EML1: variants seen among roughly 807,000 people sequenced by gnomAD.
EML1 encodes echinoderm microtubule-associated protein-like 1.
EML1 carries 27 observed loss-of-function variants against 110.4 expected under a neutral mutation model. That is an observed-to-expected ratio of 0.24 (90% CI 0.18 to 0.34). EML1 has a LOEUF of 0.34. EML1 is among the 10% of genes least tolerant of loss of function. EML1 has a pLI of 1.00. For missense variants in EML1, 741 were observed against 1,030.9 expected (o/e 0.72, Z 3.85); for synonymous variants, 344 against 385.8 (o/e 0.89, Z 1.27).
At chr14:99,809,677 G>T (rs756773152) in intron 1 of EML1, 2 of 456,106 alleles carry the variant, frequency 4.4e-6, no homozygotes, top group South Asian at 3.1e-5. Context: ...AAACCCAGAT[G>T]TTTTTTGGTA....
chr14:99,921,086 A>G (rs2060123189), intron 17 of EML1, among the ~76,000 whole-genome samples: 1 of 151,652 alleles, frequency 6.6e-6, no homozygotes, highest in African/African-American at 2.4e-5. Flanking sequence ...CCCCCCTCCA[A>G]CAGGCCCCAG....
intron 1 of EML1, among the ~76,000 whole-genome samples, chr14:99,785,475 G>A (rs986778123): frequency 2.6e-5 from 4 of 152,238 alleles, no homozygotes; most frequent in Non-Finnish European, 5.9e-5. Context: ...TTCAGTTACT[G>A]TGAATACATT....
chr14:99,825,330 G>T (rs946227336), intron 1 of EML1, among the ~76,000 whole-genome samples: 7 of 152,162 alleles, frequency 4.6e-5, no homozygotes, highest in African/African-American at 1.7e-4. Context: ...CACTTAGATT[G>T]ATTCCATGAC....
chr14:99,790,635 G>A (rs1472778363), upstream of EML1, among the ~76,000 whole-genome samples: 1 of 152,166 alleles, frequency 6.6e-6, no homozygotes, highest in Non-Finnish European at 1.5e-5. Context: ...AATAGAGAGA[G>A]CATGAACACT....
intron 1 of EML1, 55 bp from the exon 2 acceptor site, chr14:99,850,798 T>C (rs1595378464): frequency 6.3e-7 from 1 of 1,578,676 alleles, no homozygotes; most frequent in East Asian, 2.3e-5. Context: ...AGTATGTTTA[T>C]AGATCTGATT....
At chr14:99,938,535 C>A (rs1053075974) in intron 20 of EML1, among the ~76,000 whole-genome samples, 1 of 152,144 alleles carries the variant, frequency 6.6e-6, no homozygotes, top group African/African-American at 2.4e-5. Flanking sequence ...AGGGTTTCCC[C>A]GACAATGGTC....
At position 99,878,480 on chromosome 14, in the gene EML1, C is replaced by T. The variant is rs1320093321; in HGVS notation, c.384-5C>T. On this transcript the variant is annotated splice_polypyrimidine_tract_variant and splice_region_variant and intron_variant, in intron 3 of 21. Coordinates refer to ENST00000262233, the MANE Select transcript of EML1 (RefSeq NM_004434.3). ...AGTTCACTGTCACTTCCATTCCACC[C>T]TTAGTAACATCAAGAGGACCAGCTC... 3.1e-6 allele frequency: 5 copies of T among 1,608,940 alleles called. No homozygotes were observed. The Admixed American group carries it at 5.1e-5, about 16-fold the overall frequency.
intron 1 of EML1, among the ~76,000 whole-genome samples, chr14:99,743,334 C>A (rs1275773845): frequency 6.6e-6 from 1 of 152,146 alleles, no homozygotes; most frequent in Non-Finnish European, 1.5e-5. Context: ...AGTTCTGCAG[C>A]CCCTGGGGAC....
intron 17 of EML1, among the ~76,000 whole-genome samples, chr14:99,925,976 C>G (rs2060225999): frequency 1.3e-5 from 2 of 152,298 alleles, no homozygotes; most frequent in Middle Eastern, 3.4e-3. Flanking sequence ...TTTACCACAG[C>G]CGCGTGGTCC....
chr14:99,793,524 G>C lies in EML1; in HGVS notation c.48G>C (p.Ser16=). ...SSYSSLYDTS[S]LLQFCNDDSA... is the part of the protein sequence containing the mutation. ...ACAGCAGCCTGTACGACACGTCCTC[G>C]CTGCTCCAGTTCTGCAACGGTGAGG... The change falls in exon 1 of 22, where the codon TCG becomes TCC. Residue 16 remains serine, a synonymous_variant. Transcript: ENST00000262233. 1 of 1,042,350 alleles carries C rather than the reference G, an allele frequency of 9.6e-7. No homozygotes were observed. Among genetic ancestry groups the C allele is most frequent in the South Asian group, 4.1e-5 (1 of 24,598 alleles). 64.6% of individuals were successfully genotyped at this position (1,042,350 alleles called of 1,614,324 possible).
chr14:99,862,274 C>G (rs1281687780), intron 2 of EML1, among the ~76,000 whole-genome samples: 1 of 152,190 alleles, frequency 6.6e-6, no homozygotes, highest in Non-Finnish European at 1.5e-5. Context: ...AGGGTGCATG[C>G]TATCAACATG....
intron 1 of EML1, among the ~76,000 whole-genome samples, chr14:99,780,620 AAGC>A (rs776966703): frequency 3.9e-5 from 6 of 152,178 alleles, no homozygotes; most frequent in African/African-American, 7.2e-5. Context: ...GTGCCATCAT[AAGC>A]ATCACGTGCC....
intron 1 of EML1, among the ~76,000 whole-genome samples, chr14:99,832,013 C>G (rs750890430): frequency 6.6e-6 from 1 of 151,970 alleles, no homozygotes; most frequent in Non-Finnish European, 1.5e-5. Flanking sequence ...GTTCATTGCC[C>G]CTAAAGTTTC....
At chr14:99,888,770 G>C (rs894674940) in intron 4 of EML1, among the ~76,000 whole-genome samples, 1 of 152,194 alleles carries the variant, frequency 6.6e-6, no homozygotes, top group African/African-American at 2.4e-5. Flanking sequence ...ATCTGAGGAG[G>C]GACAGGCCCC....
At chr14:99,860,322 G>A (rs1344813043) in intron 2 of EML1, among the ~76,000 whole-genome samples, 1 of 151,898 alleles carries the variant, frequency 6.6e-6, no homozygotes, top group Non-Finnish European at 1.5e-5. Flanking sequence ...ATATCTTAGT[G>A]TCATCTGGAA....
At chr14:99,754,250 T>C (rs1322020976) in intron 1 of EML1, among the ~76,000 whole-genome samples, 1 of 152,264 alleles carries the variant, frequency 6.6e-6, no homozygotes, top group East Asian at 1.9e-4. Context: ...CTGCTTCTTG[T>C]GACATCATCT....
intron 9 of EML1, 149 bp from the exon 10 acceptor site, chr14:99,907,489 A>AAAGAAAGG (rs2059870777): frequency 1.5e-6 from 1 of 680,736 alleles, no homozygotes; most frequent in African/African-American, 1.8e-5. Flanking sequence ...AGAAAGAAAG[A>AAAGAAAGG]AAGCAGGTCT....
intron 2 of EML1, among the ~76,000 whole-genome samples, chr14:99,856,255 A>G (rs2058900191): frequency 6.6e-6 from 1 of 152,248 alleles, no homozygotes; most frequent in Non-Finnish European, 1.5e-5. Flanking sequence ...CTCTAGCAGT[A>G]TTCCATAAGT....
At chr14:99,852,984 C>G (rs997271340) in intron 2 of EML1, among the ~76,000 whole-genome samples, 1 of 152,178 alleles carries the variant, frequency 6.6e-6, no homozygotes, top group Non-Finnish European at 1.5e-5. Context: ...AATCTGATGA[C>G]TGCTGTGTCT....
Sources: allele counts gnomAD v4.1 joint callset (sites outside exome capture counted in the v4.1 genomes callset), GRCh38; gene constraint gnomAD v4.1.1; transcripts MANE v1.5; gene names NCBI Gene and HGNC (gene_info 2026-07-23, HGNC 2026-07-21).